CXCL13: variants seen among roughly 807,000 people sequenced by gnomAD.
CXCL13 encodes C-X-C motif chemokine 13.
Under a neutral mutation model 12.2 loss-of-function variants are expected in CXCL13, and 7 were observed. The ratio of observed to expected loss-of-function variants is 0.57; its 90% CI spans 0.33 to 1.07. The LOEUF (loss-of-function observed/expected upper bound fraction) is 1.07, where lower values mean the gene tolerates loss of function less well. Ranked by LOEUF, CXCL13 falls within the 50% of genes least tolerant of loss-of-function variation. CXCL13 has a pLI of 0.04. For synonymous variants in CXCL13, 47 were observed against 42.4 expected (o/e 1.11, Z -0.42); for missense variants, 113 against 127.4 (o/e 0.89, Z 0.55).
intron 1 of CXCL13, among the ~76,000 whole-genome samples, chr4:77,543,140 CTGTA>C (rs1197272836): frequency 6.6e-6 from 1 of 151,958 alleles, no homozygotes; most frequent in African/African-American, 2.4e-5. Context: ...ATTTTCTAGT[CTGTA>C]TGCATAGAGG....
intron 1 of CXCL13, among the ~76,000 whole-genome samples, chr4:77,561,879 G>T (rs1401651035): frequency 6.6e-6 from 1 of 152,210 alleles, no homozygotes; most frequent in African/African-American, 2.4e-5. Flanking sequence ...CTTGTGGGGT[G>T]ATGTGGAGGG....
At chr4:77,580,633 A>G (rs562077921) in intron 1 of CXCL13, among the ~76,000 whole-genome samples, 5 of 151,700 alleles carry the variant, frequency 3.3e-5, no homozygotes, top group Non-Finnish European at 7.4e-5. Context: ...CCGGGCTCTT[A>G]TAAAGCCTTC....
At chr4:77,555,664 A>G (rs1041056042) in intron 1 of CXCL13, among the ~76,000 whole-genome samples, 14 of 152,148 alleles carry the variant, frequency 9.2e-5, no homozygotes, top group Non-Finnish European at 1.5e-4. Context: ...TAAACATTCC[A>G]TATTTCAAAA....
intron 1 of CXCL13, among the ~76,000 whole-genome samples, chr4:77,561,229 G>A (rs189586): frequency 0.22 from 32,953 of 152,050 alleles, 3,781 homozygotes; most frequent in East Asian, 0.36. Context: ...GAACAGCAGT[G>A]TTACCTGGAG....
At chr4:77,519,940 C>T (rs1485003455) in intron 1 of CXCL13, among the ~76,000 whole-genome samples, 1 of 152,144 alleles carries the variant, frequency 6.6e-6, no homozygotes, top group African/African-American at 2.4e-5. Context: ...TATGGCTAGC[C>T]AGTTTTCCCA....
In CXCL13 at chr4:77,522,180, T is replaced by C. The variant is rs369388394; in HGVS notation, c.-43+10392T>C. Among the ~76,000 whole-genome samples the C allele has an allele frequency of 2.0e-5, 3 of 152,256 alleles. No individual in the cohort carries two copies. In the South Asian group the frequency reaches 6.2e-4, roughly 32 times the overall value. On this transcript the variant is annotated intron_variant, in intron 1 of 4. Transcript: ENST00000286758. ...GCAATGTGGTGCTGAGAAGAAAGTG[T>C]TTTCTGTTGATTTGGGGTGGAGAGT...
intron 1 of CXCL13, among the ~76,000 whole-genome samples, chr4:77,583,450 G>A (rs1578064867): frequency 6.6e-6 from 1 of 152,296 alleles, no homozygotes; most frequent in Non-Finnish European, 1.5e-5. Context: ...GCCTCCAATA[G>A]AGAAGGAAAG....
intron 1 of CXCL13, among the ~76,000 whole-genome samples, chr4:77,518,547 A>C (rs1030009810): frequency 6.6e-6 from 1 of 151,838 alleles, no homozygotes; most frequent in African/African-American, 2.4e-5. Context: ...CATTCATTTC[A>C]TCTTCCATTG....
intron 1 of CXCL13, among the ~76,000 whole-genome samples, chr4:77,543,075 C>A (rs1725247619): frequency 1.3e-5 from 2 of 152,016 alleles, no homozygotes; most frequent in African/African-American, 4.8e-5. Context: ...TCAATTTCTG[C>A]CTGATTCAAT....
chr4:77,528,766 G>C (rs1724834486), intron 1 of CXCL13, among the ~76,000 whole-genome samples: 1 of 152,168 alleles, frequency 6.6e-6, no homozygotes, highest in Admixed American at 6.5e-5. Flanking sequence ...TTGCTGTGCA[G>C]AAGCTCTTCA....
At chr4:77,584,200 G>A (rs1400461220) in intron 1 of CXCL13, among the ~76,000 whole-genome samples, 1 of 152,152 alleles carries the variant, frequency 6.6e-6, no homozygotes, top group African/African-American at 2.4e-5. Flanking sequence ...CAAAGACTAT[G>A]GTGGCCACAA....
At chr4:77,527,443 G>T (rs560572756) in intron 1 of CXCL13, among the ~76,000 whole-genome samples, 21 of 152,000 alleles carry the variant, frequency 1.4e-4, no homozygotes, top group Non-Finnish European at 2.6e-4. Context: ...ACCAGCCTGG[G>T]CAACATGGTG....
At chr4:77,516,129 G>T (rs183055684) in intron 1 of CXCL13, among the ~76,000 whole-genome samples, 1 of 152,154 alleles carries the variant, frequency 6.6e-6, no homozygotes, top group East Asian at 1.9e-4. Context: ...TGCATATATC[G>T]AACCAGACTT....
intron 1 of CXCL13, among the ~76,000 whole-genome samples, chr4:77,543,587 A>C (rs1725259345): frequency 6.6e-6 from 1 of 151,966 alleles, no homozygotes; most frequent in Non-Finnish European, 1.5e-5. Flanking sequence ...GAATTTTTGA[A>C]TTTCTGTCTT....
rs1727155367 is a variant in CXCL13, at chr4:77,611,524, C to T, written c.*485C>T. The T allele has an allele frequency of 2.5e-6, 1 of 395,578 alleles. No individual in the cohort carries two copies. Among genetic ancestry groups the T allele is most frequent in the African/African-American group, 2.1e-5 (1 of 48,596 alleles). 24.5% of individuals were successfully genotyped at this position (395,578 alleles called of 1,614,324 possible). ...CAAAGGAATCCATGTAGTAGATATC[C>T]TCTGCTTAAAAACTCACTACGGAGG... On this transcript the variant is annotated 3_prime_UTR_variant, in exon 4 of 4. Coordinates refer to ENST00000682537, the MANE Select transcript of CXCL13 (RefSeq NM_001371558.1).
chr4:77,608,349 A>G (rs1030379517), intron 2 of CXCL13, among the ~76,000 whole-genome samples: 1 of 152,058 alleles, frequency 6.6e-6, no homozygotes, highest in Non-Finnish European at 1.5e-5. Context: ...CTGAGGCAGG[A>G]GAACCGCTTG....
At chr4:77,523,910 T>C (rs1253838236) in intron 1 of CXCL13, among the ~76,000 whole-genome samples, 1 of 151,282 alleles carries the variant, frequency 6.6e-6, no homozygotes, top group Non-Finnish European at 1.5e-5. Context: ...GATGTCCTTT[T>C]GTTGATGTTG....
At chr4:77,524,464 G>T (rs1232758136) in intron 1 of CXCL13, among the ~76,000 whole-genome samples, 2 of 152,194 alleles carry the variant, frequency 1.3e-5, no homozygotes, top group Non-Finnish European at 2.9e-5. Flanking sequence ...CAGCCAGGCT[G>T]CCACCTCACA....
intron 1 of CXCL13, among the ~76,000 whole-genome samples, chr4:77,522,427 T>C (rs147120683): frequency 6.6e-6 from 1 of 151,854 alleles, no homozygotes; most frequent in African/African-American, 2.4e-5. Context: ...ATTGATCCCT[T>C]ATCCATTATG....
Sources: allele counts gnomAD v4.1 joint callset (sites outside exome capture counted in the v4.1 genomes callset), GRCh38; gene constraint gnomAD v4.1.1; transcripts MANE v1.5; gene names NCBI Gene and HGNC (gene_info 2026-07-23, HGNC 2026-07-21).